The following TRHDE variants were observed in gnomAD, a reference collection of about 807,000 sequenced individuals.
TRHDE encodes thyrotropin releasing hormone degrading enzyme, also known as thyrotropin-releasing hormone-degrading ectoenzyme.
TRHDE carries 72 observed loss-of-function variants against 125.7 expected under a neutral mutation model. The observed-to-expected ratio is 0.57, with a 90% CI of 0.47 to 0.70. TRHDE has a LOEUF of 0.70. Among genes scored for constraint, TRHDE ranks in the 30% least tolerant of loss-of-function variants. TRHDE has a pLI of 0.00. For missense variants in TRHDE, 1,110 were observed against 1,327.1 expected, an observed-to-expected ratio of 0.84 and a Z score of 2.54; for synonymous variants, 509 against 509.1, an observed-to-expected ratio of 1.00 and a Z score of 0.00.
chr12:72,323,896 G>A (rs895474949), intron 2 of TRHDE, among the ~76,000 whole-genome samples: 1 of 152,046 alleles, frequency 6.6e-6, no homozygotes, highest in Non-Finnish European at 1.5e-5. Context: ...AGAGATGGCA[G>A]CAGAGAAGTA....
chr12:72,150,906 A>G (rs867891983), intron 2 of TRHDE, among the ~76,000 whole-genome samples: 22 of 152,274 alleles, frequency 1.4e-4, no homozygotes, highest in Middle Eastern at 3.4e-3. Context: ...TCTTTTGGGT[A>G]TATACCCAGT....
chr12:72,563,779 CTT>C (rs1421793846), intron 9 of TRHDE, among the ~76,000 whole-genome samples: 1 of 121,600 alleles, frequency 8.2e-6, no homozygotes, highest in Non-Finnish European at 1.6e-5. Context: ...CCTAGTAAGA[CTT>C]TCGTTCCAGT....
In TRHDE at chr12:72,597,666, TAAAAAA is replaced by T. The variant is rs758942039; in HGVS notation, c.2322-21215_2322-21210del. Among the ~76,000 whole-genome samples the T allele has an allele frequency of 1.4e-3, 104 of 75,658 alleles. 10 individuals carry two copies. The East Asian group carries it at 0.033, about 24-fold the overall frequency. The allele number at this position is 75,658 out of a possible 152,430, so 49.6% of individuals were successfully genotyped here. A position where few individuals can be genotyped will look rare whatever the true frequency, so the allele number is the denominator to read the frequency against. On this transcript the variant is annotated intron_variant, in intron 12 of 18. Coordinates refer to ENST00000261180, the MANE Select transcript of TRHDE (RefSeq NM_013381.3). Reference sequence around the variant, plus strand: ...TTGGGTGCCAGAGCAAGACCTTGTCTAAAAAAAAAAAAAAACTAAGAGAGGTATATA... The same window carrying T: ...TTGGGTGCCAGAGCAAGACCTTGTCTAAAAAAAAACTAAGAGAGGTATATA...
chr12:72,546,152 A>G (rs759953431), intron 7 of TRHDE, among the ~76,000 whole-genome samples: 4 of 151,710 alleles, frequency 2.6e-5, no homozygotes, highest in Non-Finnish European at 5.9e-5. Context: ...CTCTCACATA[A>G]AAGATCTAAT....
At chr12:72,321,678 T>C (rs1169864736) in intron 2 of TRHDE, among the ~76,000 whole-genome samples, 1 of 152,162 alleles carries the variant, frequency 6.6e-6, no homozygotes, top group Non-Finnish European at 1.5e-5. Context: ...ATATATTCAG[T>C]TTTGTTTCTA....
intron 1 of TRHDE, among the ~76,000 whole-genome samples, chr12:72,087,722 G>A (rs1874700545): frequency 6.6e-6 from 1 of 152,034 alleles, no homozygotes; most frequent in South Asian, 2.1e-4. Flanking sequence ...AGTGATGAAG[G>A]CTTGGAACAA....
At chr12:72,195,030 G>A (rs904386434) in intron 2 of TRHDE, among the ~76,000 whole-genome samples, 12 of 152,036 alleles carry the variant, frequency 7.9e-5, no homozygotes, top group Non-Finnish European at 1.8e-4. Flanking sequence ...TACAATCATG[G>A]TGGAAGGGGA....
At chr12:72,644,853 G>A (rs1434028914) in intron 15 of TRHDE, among the ~76,000 whole-genome samples, 1 of 152,216 alleles carries the variant, frequency 6.6e-6, no homozygotes, top group Non-Finnish European at 1.5e-5. Flanking sequence ...GCTAGCCACT[G>A]AGGGGAGAAC....
chr12:72,520,563 C>T (rs1482643519), intron 6 of TRHDE, among the ~76,000 whole-genome samples: 1 of 152,124 alleles, frequency 6.6e-6, no homozygotes, highest in Non-Finnish European at 1.5e-5. Flanking sequence ...GTGAGATGAA[C>T]CCGGTACCTC....
At chr12:72,138,156 C>A (rs963505975) in intron 2 of TRHDE, among the ~76,000 whole-genome samples, 1 of 152,138 alleles carries the variant, frequency 6.6e-6, no homozygotes, top group Admixed American at 6.5e-5. Context: ...GTGGGTGGAT[C>A]ATGAGGTCAG....
intron 5 of TRHDE, among the ~76,000 whole-genome samples, chr12:72,475,220 T>C (rs1876836313): frequency 6.6e-6 from 1 of 152,300 alleles, no homozygotes; most frequent in Non-Finnish European, 1.5e-5. Flanking sequence ...AAAGTATCTT[T>C]TGGTTTTTGA....
At chr12:72,128,515 G>A (rs889527963) in intron 2 of TRHDE, among the ~76,000 whole-genome samples, 1 of 152,094 alleles carries the variant, frequency 6.6e-6, no homozygotes, top group Non-Finnish European at 1.5e-5. Flanking sequence ...TTTAGACAAG[G>A]ACATTAAAGC....
At position 72,131,113 on chromosome 12, in the gene TRHDE, C is replaced by T. The variant is rs555930012; in HGVS notation, n.279+25361C>T. ...TTGAGACAGAGTCTTCCTCTGTCAC[C>T]CAGGCTGGAGTGCAGTGGCGCGATT... On this transcript the variant is annotated intron_variant and non_coding_transcript_variant, in intron 2 of 4. Transcript: ENST00000548156. 1.2e-4 allele frequency among the ~76,000 whole-genome samples: 17 copies of T among 146,698 alleles called. No individual in the cohort carries two copies. In the East Asian group the frequency reaches 3.2e-3, roughly 27 times the overall value.
chr12:72,621,569 T>C, intron 14 of TRHDE, 75 bp from the exon 15 acceptor site: 7 of 1,090,416 alleles, frequency 6.4e-6, no homozygotes, highest in Non-Finnish European at 9.3e-6. Flanking sequence ...ATGTTAATAA[T>C]TTACTTATCT....
intron 18 of TRHDE, among the ~76,000 whole-genome samples, chr12:72,659,330 T>C (rs1259622739): frequency 6.6e-6 from 1 of 152,208 alleles, no homozygotes; most frequent in Non-Finnish European, 1.5e-5. Flanking sequence ...CTAATGGAGA[T>C]GATCTTCTTG....
intron 2 of TRHDE, among the ~76,000 whole-genome samples, chr12:72,298,071 T>C (rs1012658679): frequency 1.4e-4 from 22 of 152,340 alleles, no homozygotes; most frequent in African/African-American, 5.1e-4. Context: ...GGTTTTGTTA[T>C]ATAATCTACA....
At chr12:72,446,957 C>T (rs1210105031) in intron 3 of TRHDE, among the ~76,000 whole-genome samples, 3 of 152,004 alleles carry the variant, frequency 2.0e-5, no homozygotes, top group African/African-American at 4.8e-5. Context: ...GACAGATCAA[C>T]GAGACAGAAA....
chr12:72,616,111 A>G (rs1872802365), intron 12 of TRHDE, among the ~76,000 whole-genome samples: 1 of 152,042 alleles, frequency 6.6e-6, no homozygotes, highest in Non-Finnish European at 1.5e-5. Flanking sequence ...AGGACTCAAA[A>G]CAGAACTTGC....
At chr12:72,264,297 A>T (rs1879017817) in intron 2 of TRHDE, 1 of 152,086 alleles carries the variant, frequency 6.6e-6, no homozygotes, top group African/African-American at 2.4e-5. Flanking sequence ...ATGCAAATTC[A>T]ATCTGATGTT....
Sources: allele counts gnomAD v4.1 joint callset (sites outside exome capture counted in the v4.1 genomes callset), GRCh38; gene constraint gnomAD v4.1.1; transcripts MANE v1.5; gene names NCBI Gene and HGNC (gene_info 2026-07-23, HGNC 2026-07-21).